The following NTRK3 variants were observed in gnomAD, a reference collection of about 807,000 sequenced individuals.
NTRK3 encodes neurotrophic receptor tyrosine kinase 3.
NTRK3 carries 24 observed loss-of-function variants against 91.7 expected under a neutral mutation model. The observed-to-expected ratio is 0.26, with a 90% confidence interval of 0.19 to 0.37. The LOEUF (loss-of-function observed/expected upper bound fraction) is 0.37. Ranked by LOEUF, NTRK3 falls within the 10% of genes least tolerant of loss-of-function variation. NTRK3 has a pLI of 1.00. For missense variants in NTRK3, 880 were observed against 1,068.9 expected, an observed-to-expected ratio of 0.82 and a Z score of 2.46; for synonymous variants, 483 against 404.0, an observed-to-expected ratio of 1.20 and a Z score of -2.34.
At chr15:88,145,541 G>T (rs2042812784) in intron 6 of NTRK3, among the ~76,000 whole-genome samples, 1 of 152,202 alleles carries the variant, frequency 6.6e-6, no homozygotes, top group Admixed American at 6.5e-5. Flanking sequence ...TCCTCTGGGA[G>T]AAATCTGACA....
intron 14 of NTRK3, among the ~76,000 whole-genome samples, chr15:88,002,733 G>C (rs1262713275): frequency 6.9e-6 from 1 of 143,992 alleles, no homozygotes; most frequent in Non-Finnish European, 1.5e-5. Context: ...GAGAAAACAA[G>C]ATTCTTATGA....
intron 5 of NTRK3, among the ~76,000 whole-genome samples, chr15:88,162,997 T>A (rs574377334): frequency 7.2e-5 from 11 of 152,138 alleles, no homozygotes; most frequent in Non-Finnish European, 1.6e-4. Context: ...ACACTTGGTA[T>A]AAGAAGGGCA....
At chr15:88,135,695 T>A (rs2041809882) in intron 9 of NTRK3, among the ~76,000 whole-genome samples, 1 of 152,156 alleles carries the variant, frequency 6.6e-6, no homozygotes, top group Admixed American at 6.5e-5. Flanking sequence ...AGCCACACCA[T>A]CTTCTGAGGG....
Position 88,032,760 on chromosome 15 carries a change from C to T in NTRK3, c.1585+97G>A. On this transcript the variant is annotated intron_variant, in intron 14 of 18. Transcript: ENST00000394480. ...TAGAAAGTGGGAGGTTGGCAGGTAGCAGGTCACCCTAGAAGGTTCCAGAAC... is the reference window on the plus strand; with the variant it reads ...TAGAAAGTGGGAGGTTGGCAGGTAGTAGGTCACCCTAGAAGGTTCCAGAAC... The T allele has an allele frequency of 1.5e-6, 2 of 1,345,530 alleles. 1 individual carries two copies. Among genetic ancestry groups the T allele is most frequent in the South Asian group, 2.4e-5 (2 of 81,660 alleles). The allele number at this position is 1,345,530 out of a possible 1,614,324, so 83.3% of individuals were successfully genotyped here.
chr15:87,900,975 G>C (rs192047376), intron 17 of NTRK3, among the ~76,000 whole-genome samples: 46 of 152,284 alleles, frequency 3.0e-4, no homozygotes, highest in Admixed American at 2.2e-3. Context: ...GAAGGTTAGA[G>C]CTCTGAGGTC....
At chr15:88,038,845 T>A (rs2079319012) in intron 13 of NTRK3, among the ~76,000 whole-genome samples, 3 of 151,774 alleles carry the variant, frequency 2.0e-5, no homozygotes, top group Admixed American at 6.6e-5. Flanking sequence ...ACCAACATGT[T>A]ACTCCATGAA....
In NTRK3 at chr15:87,868,141, G is replaced by C. The variant is rs1159325; in HGVS notation, c.*8794C>G. 2,182 of 231,860 alleles carry C rather than the reference G, an allele frequency of 9.4e-3. 23 individuals are homozygous for C. Among genetic ancestry groups the C allele is most frequent in the South Asian group, 0.016 (88 of 5,506 alleles). 14.4% of individuals were successfully genotyped at this position (231,860 alleles called of 1,614,324 possible). A position where few individuals can be genotyped will look rare whatever the true frequency, so the allele number is the denominator to read the frequency against. On this transcript the variant is annotated 3_prime_UTR_variant, in exon 19 of 19. Transcript: ENST00000394480. ...ATGGGGCATATGGATTTGTATACCA[G>C]TAGGATTGTGGAGGCTTTTGTGTGT...
At chr15:87,999,149 A>T (rs547470440) in intron 14 of NTRK3, among the ~76,000 whole-genome samples, 8 of 152,316 alleles carry the variant, frequency 5.3e-5, no homozygotes, top group African/African-American at 1.7e-4. Context: ...ACTGACTTGC[A>T]TCACAGGATA....
chr15:87,904,737 T>C (rs756357733), intron 17 of NTRK3, among the ~76,000 whole-genome samples: 1 of 152,248 alleles, frequency 6.6e-6, no homozygotes, highest in Admixed American at 6.5e-5. Flanking sequence ...AGAAAAAGAA[T>C]GACTATCCTT....
intron 17 of NTRK3, among the ~76,000 whole-genome samples, chr15:87,904,307 C>T (rs768617416): frequency 9.2e-5 from 14 of 152,222 alleles, no homozygotes; most frequent in South Asian, 2.1e-4. Context: ...CATGCCACCA[C>T]GCCCGGCTAA....
chr15:88,106,162 C>G (rs925191330), intron 13 of NTRK3, among the ~76,000 whole-genome samples: 5 of 152,216 alleles, frequency 3.3e-5, no homozygotes, highest in African/African-American at 1.2e-4. Flanking sequence ...CTCTGAAATG[C>G]CCCACAGTGG....
intron 13 of NTRK3, among the ~76,000 whole-genome samples, chr15:88,049,195 A>C (rs2080559234): frequency 6.6e-6 from 1 of 152,186 alleles, no homozygotes; most frequent in South Asian, 2.1e-4. Context: ...GACCGCATGC[A>C]AGAGGCATGG....
At chr15:87,981,277 A>G in intron 14 of NTRK3, 1 of 1,591,988 alleles carries the variant, frequency 6.3e-7, no homozygotes, top group Non-Finnish European at 8.6e-7. Flanking sequence ...GGTTCCTCAT[A>G]TATATAGTGA....
intron 17 of NTRK3, among the ~76,000 whole-genome samples, chr15:87,887,864 C>A (rs2065638384): frequency 6.6e-6 from 1 of 152,118 alleles, no homozygotes; most frequent in South Asian, 2.1e-4. Flanking sequence ...GTGATAGAAG[C>A]CTCTATCATC....
At chr15:88,033,269 T>A (rs2078762001) in intron 13 of NTRK3, among the ~76,000 whole-genome samples, 1 of 143,940 alleles carries the variant, frequency 6.9e-6, no homozygotes, top group Non-Finnish European at 1.5e-5. Flanking sequence ...CCTTATCAGA[T>A]ATACATGGCT....
At chr15:88,025,699 G>GTCTGATTTCA (rs2077976323) in intron 14 of NTRK3, among the ~76,000 whole-genome samples, 4 of 152,124 alleles carry the variant, frequency 2.6e-5, no homozygotes, top group African/African-American at 9.7e-5. Flanking sequence ...TCAGACTTTG[G>GTCTGATTTCA]GCCTCCAGAG....
intron 3 of NTRK3, 52 bp from the exon 4 acceptor site, chr15:88,184,351 C>T (rs752571228): frequency 4.4e-6 from 7 of 1,575,432 alleles, no homozygotes; most frequent in Non-Finnish European, 4.4e-6. Context: ...AGAAATGGGG[C>T]TGGCTTTGGA....
At chr15:88,211,203 C>A (rs1342091919) in intron 3 of NTRK3, among the ~76,000 whole-genome samples, 1 of 152,214 alleles carries the variant, frequency 6.6e-6, no homozygotes, top group Non-Finnish European at 1.5e-5. Flanking sequence ...TTTCCCCAGT[C>A]CCTGGCAACT....
chr15:88,095,317 A>T (rs2049471712), intron 13 of NTRK3, among the ~76,000 whole-genome samples: 1 of 152,264 alleles, frequency 6.6e-6, no homozygotes, highest in Non-Finnish European at 1.5e-5. Context: ...CAAGAGATAT[A>T]TCTGACCAAG....
Sources: gnomAD v4.1 joint callset for allele counts (sites outside exome capture counted in the v4.1 genomes callset) on GRCh38, gnomAD v4.1.1 for gene constraint, MANE v1.5 for transcripts, NCBI Gene and HGNC (gene_info 2026-07-23, HGNC 2026-07-21) for gene names.